The following CADM2 variants were observed in gnomAD, a reference collection of about 807,000 sequenced individuals.
The protein encoded by CADM2 is immunoglobulin superfamily member 4D.
CADM2 carries 12 observed loss-of-function variants against 49.8 expected under a neutral mutation model. That is an observed-to-expected ratio of 0.24 (90% CI 0.15 to 0.39). CADM2 has a LOEUF of 0.39. Ranked by LOEUF, CADM2 falls within the 10% of genes least tolerant of loss-of-function variation. CADM2 has a pLI of 1.00. For synonymous variants in CADM2, 214 were observed against 175.4 expected (o/e 1.22, Z -1.74); for missense variants, 378 against 492.3 (o/e 0.77, Z 2.20).
At chr3:85,809,027 T>G (rs2072639428) in intron 3 of CADM2, among the ~76,000 whole-genome samples, 1 of 152,196 alleles carries the variant, frequency 6.6e-6, no homozygotes, top group Non-Finnish European at 1.5e-5. Context: ...ATTAACTGAG[T>G]AAAACAGGTG....
At chr3:85,231,444 A>G (rs2042286489) in intron 1 of CADM2, among the ~76,000 whole-genome samples, 1 of 151,182 alleles carries the variant, frequency 6.6e-6, no homozygotes, top group South Asian at 2.1e-4. Context: ...AGAAAAAAAA[A>G]CAGAAGAGGA....
intron 1 of CADM2, among the ~76,000 whole-genome samples, chr3:85,374,333 C>T (rs79594703): frequency 0.012 from 1,783 of 152,204 alleles, 28 homozygotes; most frequent in African/African-American, 0.041. Flanking sequence ...ATCTCTTTGC[C>T]AAAGCATAGC....
At chr3:85,038,722 C>A (rs2035318446) in intron 1 of CADM2, among the ~76,000 whole-genome samples, 1 of 152,206 alleles carries the variant, frequency 6.6e-6, no homozygotes, top group African/African-American at 2.4e-5. Context: ...GAAAGATCTA[C>A]TTAGCATATA....
intron 2 of CADM2, among the ~76,000 whole-genome samples, chr3:85,735,360 C>T (rs1203654090): frequency 6.6e-6 from 1 of 151,912 alleles, no homozygotes; most frequent in African/African-American, 2.4e-5. Flanking sequence ...CAGAAAGTGG[C>T]CTAACTTATT....
chr3:85,246,887 A>G (rs2042661499), intron 1 of CADM2, among the ~76,000 whole-genome samples: 1 of 152,082 alleles, frequency 6.6e-6, no homozygotes, highest in South Asian at 2.1e-4. Flanking sequence ...TGTGTGAGAG[A>G]TTTCTTATTG....
chr3:85,078,176 T>G (rs1176739064), intron 1 of CADM2, among the ~76,000 whole-genome samples: 1 of 152,016 alleles, frequency 6.6e-6, no homozygotes, highest in South Asian at 2.1e-4. Context: ...AATTTTTGCA[T>G]TTTTGTATCA....
chr3:85,718,871 A>G (rs1286018796), intron 1 of CADM2, among the ~76,000 whole-genome samples: 3 of 144,654 alleles, frequency 2.1e-5, no homozygotes, highest in Non-Finnish European at 4.5e-5. Flanking sequence ...TATAGAGGAA[A>G]TTAATGGTAT....
At chr3:85,063,677 G>C (rs191281615) in intron 1 of CADM2, among the ~76,000 whole-genome samples, 8 of 152,104 alleles carry the variant, frequency 5.3e-5, no homozygotes, top group Non-Finnish European at 1.0e-4. Flanking sequence ...TCCAGATAAT[G>C]GGAATTGTGC....
intron 1 of CADM2, among the ~76,000 whole-genome samples, chr3:85,304,242 G>A (rs910049667): frequency 1.3e-5 from 2 of 151,722 alleles, no homozygotes; most frequent in African/African-American, 2.4e-5. Context: ...AGTGGTAGAC[G>A]TGTTATTCTT....
chr3:85,566,561 T>C (rs2062264469), intron 1 of CADM2, among the ~76,000 whole-genome samples: 2 of 152,056 alleles, frequency 1.3e-5, no homozygotes, highest in Non-Finnish European at 2.9e-5. Flanking sequence ...CGTGTGGAGA[T>C]TCAGCATGAT....
intron 1 of CADM2, among the ~76,000 whole-genome samples, chr3:85,623,298 A>G (rs2064029628): frequency 6.6e-6 from 1 of 152,164 alleles, no homozygotes; most frequent in African/African-American, 2.4e-5. Context: ...CCTTGTTTAT[A>G]TTGAAGGTAT....
At chr3:85,270,430 A>G (rs1324386306) in intron 1 of CADM2, among the ~76,000 whole-genome samples, 1 of 151,398 alleles carries the variant, frequency 6.6e-6, no homozygotes, top group Non-Finnish European at 1.5e-5. Context: ...ATAAAGAGAT[A>G]AAGCGTTCAT....
At chr3:85,027,322 G>T (rs2034780500) in intron 1 of CADM2, among the ~76,000 whole-genome samples, 1 of 151,588 alleles carries the variant, frequency 6.6e-6, no homozygotes, top group South Asian at 2.1e-4. Context: ...CACCGTGTTA[G>T]CCAGGATGGT....
chr3:85,744,981 T>C (rs1328707399), intron 2 of CADM2, among the ~76,000 whole-genome samples: 1 of 152,148 alleles, frequency 6.6e-6, no homozygotes, highest in Non-Finnish European at 1.5e-5. Context: ...TGTAATACTA[T>C]AGGGAAGAGT....
intron 2 of CADM2, among the ~76,000 whole-genome samples, chr3:85,787,978 C>A (rs189087804): frequency 6.6e-6 from 1 of 152,090 alleles, no homozygotes; most frequent in African/African-American, 2.4e-5. Context: ...GGAATACTGG[C>A]CCTGGTGTCT....
At chr3:84,971,059 T>C (rs2031397328) in intron 1 of CADM2, among the ~76,000 whole-genome samples, 1 of 152,130 alleles carries the variant, frequency 6.6e-6, no homozygotes, top group South Asian at 2.1e-4. Flanking sequence ...AAATTGGAAC[T>C]GTGAGGAAAA....
intron 2 of CADM2, among the ~76,000 whole-genome samples, chr3:85,734,115 T>A (rs2068039298): frequency 6.6e-6 from 1 of 152,172 alleles, no homozygotes; most frequent in Admixed American, 6.5e-5. Flanking sequence ...TATGGTTACA[T>A]ATTTTTAATG....
intron 1 of CADM2, among the ~76,000 whole-genome samples, chr3:85,674,560 C>T (rs1182923304): frequency 6.6e-6 from 1 of 152,030 alleles, no homozygotes; most frequent in East Asian, 1.9e-4. Flanking sequence ...ATTTAGCTTC[C>T]TTACTATGAC....
At chr3:85,471,340 C>T (rs575329138) in intron 1 of CADM2, among the ~76,000 whole-genome samples, 20 of 152,282 alleles carry the variant, frequency 1.3e-4, no homozygotes, top group Admixed American at 1.3e-3. Context: ...TTAAGTCTCA[C>T]TCAGACTAGA....
Sources: allele counts gnomAD v4.1 joint callset (sites outside exome capture counted in the v4.1 genomes callset), GRCh38; gene constraint gnomAD v4.1.1; transcripts MANE v1.5; gene names NCBI Gene and HGNC (gene_info 2026-07-23, HGNC 2026-07-21).